The following CPA4 variants were observed in gnomAD, a reference collection of about 807,000 sequenced individuals.
CPA4 encodes the protein carboxypeptidase A4, also known as carboxypeptidase A3.
In CPA4, 49 loss-of-function variants were observed where a neutral mutation model predicts 54.7. The observed-to-expected ratio is 0.90, with a 90% CI of 0.71 to 1.14. The LOEUF (loss-of-function observed/expected upper bound fraction) is 1.14. Among genes scored for constraint, CPA4 ranks in the 50% most tolerant of loss-of-function variants. CPA4 has a pLI of 0.00. For synonymous variants in CPA4, 215 were observed against 206.8 expected, an observed-to-expected ratio of 1.04 and a Z score of -0.34; for missense variants, 487 against 525.1, an observed-to-expected ratio of 0.93 and a Z score of 0.71.
intron 3 of CPA4, among the ~76,000 whole-genome samples, chr7:130,299,968 C>T (rs1793713962): frequency 6.6e-6 from 1 of 152,164 alleles, no homozygotes; most frequent in Non-Finnish European, 1.5e-5. Context: ...CGTCCTCTGG[C>T]CTCACGACCT....
At chr7:130,302,848 G>C (rs547065899) in intron 4 of CPA4, among the ~76,000 whole-genome samples, 6 of 152,198 alleles carry the variant, frequency 3.9e-5, no homozygotes, top group African/African-American at 1.4e-4. Context: ...GGGTCCTATG[G>C]CTCTCCTCCT....
chr7:130,311,934 CG>C (rs140718945), intron 9 of CPA4, 103 bp from the exon 10 acceptor site: 190 of 813,012 alleles, frequency 2.3e-4, no homozygotes, highest in East Asian at 1.4e-3. Context: ...GAAAGGAAAT[CG>C]GGGGGGGCTG....
intron 4 of CPA4, among the ~76,000 whole-genome samples, chr7:130,302,211 G>A (rs1029444824): frequency 1.3e-5 from 2 of 152,176 alleles, no homozygotes; most frequent in African/African-American, 4.8e-5. Flanking sequence ...TCTAGGCTGG[G>A]CATGGTGGCT....
At chr7:130,306,117 T>C in intron 6 of CPA4, 197 bp downstream of exon 6, 1 of 594,868 alleles carries the variant, frequency 1.7e-6, no homozygotes, top group Middle Eastern at 4.5e-4. Flanking sequence ...ATTGCGTTCC[T>C]GGTGGTGCAC....
intron 10 of CPA4, among the ~76,000 whole-genome samples, chr7:130,313,896 GT>G (rs1045062822): frequency 1.1e-4 from 16 of 152,230 alleles, no homozygotes; most frequent in Admixed American, 2.6e-4. Context: ...AAGACGGGGT[GT>G]TTTTTCTTTC....
chr7:130,303,188 C>T (rs1013369725), intron 4 of CPA4, among the ~76,000 whole-genome samples: 2 of 152,180 alleles, frequency 1.3e-5, no homozygotes, highest in African/African-American at 4.8e-5. Flanking sequence ...GAAACAAATA[C>T]ATTTGTTTAT....
Position 130,323,331 on chromosome 7 carries a change from TG to T in CPA4, c.*656del, listed in dbSNP as rs1389886625. ...GCCTCCTGGGTTCAAGCAATTCTCC[TG>T]CCTCAGCCTCTTGAGTAGCTTGGTT... On this transcript the variant is annotated 3_prime_UTR_variant, in exon 11 of 11. Transcript: ENST00000222482. 1 of 152,234 alleles carries T rather than the reference TG, an allele frequency of 6.6e-6. No individual in the cohort carries two copies. The highest frequency in any genetic ancestry group is 1.5e-5 in the Non-Finnish European group (1 of 68,220). 9.4% of individuals were successfully genotyped at this position (152,234 alleles called of 1,614,324 possible).
chr7:130,303,118 G>A (rs1403745480), intron 4 of CPA4, among the ~76,000 whole-genome samples: 1 of 152,132 alleles, frequency 6.6e-6, no homozygotes, highest in Non-Finnish European at 1.5e-5. Flanking sequence ...GCTTGACTTT[G>A]TTCTATATTA....
intron 5 of CPA4, among the ~76,000 whole-genome samples, chr7:130,305,590 T>C (rs1184687179): frequency 6.6e-6 from 1 of 152,202 alleles, no homozygotes; most frequent in Admixed American, 6.5e-5. Context: ...CATTTGCTCC[T>C]AATGCTGGAG....
chr7:130,293,888 C>T (rs1010073564), intron 1 of CPA4, among the ~76,000 whole-genome samples: 4 of 151,868 alleles, frequency 2.6e-5, no homozygotes, highest in South Asian at 2.1e-4. Flanking sequence ...TGTGTGTGTG[C>T]GCGTGTGTGT....
In CPA4 at chr7:130,310,666, G is replaced by T. The variant is rs866373749; in HGVS notation, c.794-121G>T. 2.4e-6 allele frequency: 2 copies of T among 822,594 alleles called. No homozygotes were observed. Among genetic ancestry groups the T allele is most frequent in the South Asian group, 1.6e-5 (1 of 62,514 alleles). 51.0% of individuals were successfully genotyped at this position (822,594 alleles called of 1,614,324 possible). ...ACACCCACCATGGACTAGGTGCTCT[G>T]GGCCGTCTCGCCATGGCCTGCCCAT... On this transcript the variant is annotated intron_variant, in intron 8 of 10. Transcript: ENST00000222482. This position sits in a 1 kb window ranked among gnomAD's most constrained non-coding sequence, Gnocchi z 4.3.
At chr7:130,317,754 A>C (rs1480570071) in intron 10 of CPA4, among the ~76,000 whole-genome samples, 2 of 152,026 alleles carry the variant, frequency 1.3e-5, no homozygotes, top group Non-Finnish European at 2.9e-5. Flanking sequence ...GGCGTGAGCC[A>C]CCTCGCCCTT....
chr7:130,321,538 A>G (rs1794100847), intron 10 of CPA4, among the ~76,000 whole-genome samples: 1 of 152,128 alleles, frequency 6.6e-6, no homozygotes, highest in African/African-American at 2.4e-5. Flanking sequence ...AGGCTTGTGT[A>G]TTTGTCCATT....
chr7:130,296,939 T>A (rs974967553), intron 1 of CPA4, among the ~76,000 whole-genome samples: 1 of 151,900 alleles, frequency 6.6e-6, no homozygotes, highest in African/African-American at 2.4e-5. Flanking sequence ...TTCTGTTTTT[T>A]AAATTTATTT....
intron 1 of CPA4, among the ~76,000 whole-genome samples, chr7:130,294,115 G>T (rs79593396): frequency 0.013 from 2,012 of 152,208 alleles, 14 homozygotes; most frequent in Middle Eastern, 0.041. Flanking sequence ...CCAGGCAGGG[G>T]TGTTATTTTC....
At chr7:130,299,556 G>A (rs1793707572) in intron 3 of CPA4, 152 bp downstream of exon 3, 4 of 659,520 alleles carry the variant, frequency 6.1e-6, no homozygotes, top group African/African-American at 1.8e-5. Context: ...GCAGTGACTT[G>A]TTAGAGGAAC....
chr7:130,300,329 G>A (rs1178140700), intron 3 of CPA4, among the ~76,000 whole-genome samples: 1 of 143,790 alleles, frequency 7.0e-6, no homozygotes, highest in African/African-American at 2.6e-5. Flanking sequence ...GCCCCAAGAA[G>A]TAAATTTTTT....
chr7:130,301,125 C>T (rs1793733234), intron 4 of CPA4, among the ~76,000 whole-genome samples: 1 of 152,196 alleles, frequency 6.6e-6, no homozygotes, highest in Admixed American at 6.5e-5. Context: ...GCTATTTCCT[C>T]CCTCAACCAT....
intron 2 of CPA4, 136 bp downstream of exon 2, chr7:130,298,963 C>T: frequency 3.1e-6 from 2 of 649,794 alleles, no homozygotes; most frequent in Non-Finnish European, 5.4e-6. Context: ...GCCATTTATA[C>T]AATTGAGGGG....
Sources: allele counts gnomAD v4.1 joint callset (sites outside exome capture counted in the v4.1 genomes callset), GRCh38; gene constraint gnomAD v4.1.1; non-coding constraint Gnocchi (gnomAD v3.1); transcripts MANE v1.5; gene names NCBI Gene and HGNC (gene_info 2026-07-23, HGNC 2026-07-21).